Variants in KMT2C observed in about 807,000 individuals in gnomAD.
KMT2C encodes histone-lysine N-methyltransferase 2C.
KMT2C carries 88 observed loss-of-function variants against 507.9 expected under a neutral mutation model. The ratio of observed to expected loss-of-function variants is 0.17; its 90% CI spans 0.15 to 0.21. KMT2C has a LOEUF of 0.21. KMT2C is among the 10% of genes least tolerant of loss of function. The pLI, the probability that KMT2C is intolerant of heterozygous loss-of-function variation, is 1.00. For synonymous variants in KMT2C, 2,049 were observed against 2,080.8 expected (o/e 0.98, Z 0.42); for missense variants, 4,954 against 5,957.8 (o/e 0.83, Z 5.55).
At chr7:152,305,072 T>G (rs1286091806) in intron 6 of KMT2C, among the ~76,000 whole-genome samples, 1 of 152,178 alleles carries the variant, frequency 6.6e-6, no homozygotes, top group Admixed American at 6.5e-5. Context: ...TAGAACTTAT[T>G]TGCTGCCTAT....
chr7:152,258,901 T>G (rs1190406276), intron 9 of KMT2C, among the ~76,000 whole-genome samples: 1 of 152,150 alleles, frequency 6.6e-6, no homozygotes, highest in African/African-American at 2.4e-5. Context: ...AAAGTGTCCT[T>G]ACATACTGCT....
At chr7:152,304,649 T>C (rs1014775114) in intron 6 of KMT2C, among the ~76,000 whole-genome samples, 1 of 152,210 alleles carries the variant, frequency 6.6e-6, no homozygotes, top group Non-Finnish European at 1.5e-5. Context: ...TCTTTGAAAA[T>C]AGAGCTAGGT....
At chr7:152,380,463 G>A (rs2097364007) in intron 1 of KMT2C, among the ~76,000 whole-genome samples, 1 of 152,082 alleles carries the variant, frequency 6.6e-6, no homozygotes, top group South Asian at 2.1e-4. Context: ...AGCTACTCGA[G>A]AGGCGGAGAC....
chr7:152,334,248 G>T (rs2096912163), intron 2 of KMT2C, among the ~76,000 whole-genome samples: 1 of 152,192 alleles, frequency 6.6e-6, no homozygotes, highest in Non-Finnish European at 1.5e-5. Flanking sequence ...CTGAGGTCAG[G>T]AGTTCGAGAC....
chr7:152,202,858 C>A, intron 26 of KMT2C, 76 bp downstream of exon 26: 1 of 1,185,226 alleles, frequency 8.4e-7, no homozygotes, highest in South Asian at 1.7e-5. Context: ...AAACAACAAA[C>A]CTATGTTTTA....
intron 6 of KMT2C, among the ~76,000 whole-genome samples, chr7:152,308,673 C>CAAAAAAAAAAAAAAAAAAAAA (rs938826373): frequency 2.0e-4 from 5 of 24,566 alleles, no homozygotes; most frequent in African/African-American, 4.5e-4. Flanking sequence ...AAACTCCTCT[C>CAAAAAAAAAAAAAAAAAAAAA]AAAAAAAAAA....
chr7:152,182,793 T>C (rs550996697), intron 35 of KMT2C, among the ~76,000 whole-genome samples, 181 bp downstream of exon 35: 17 of 152,310 alleles, frequency 1.1e-4, no homozygotes, highest in African/African-American at 4.1e-4. Flanking sequence ...GTATATTGTT[T>C]ATAATATTTC....
At chr7:152,281,128 A>T (rs979321539) in intron 6 of KMT2C, among the ~76,000 whole-genome samples, 1 of 152,166 alleles carries the variant, frequency 6.6e-6, no homozygotes, top group African/African-American at 2.4e-5. Flanking sequence ...ATAAATAAAA[A>T]CATGAATAAA....
At chr7:152,150,659 TTC>T (rs1373411373) in intron 51 of KMT2C, among the ~76,000 whole-genome samples, 2 of 152,124 alleles carry the variant, frequency 1.3e-5, no homozygotes, top group East Asian at 1.9e-4. Context: ...AATATTAGTG[TTC>T]TGTTTACTGA....
At chr7:152,259,445 C>CACACA (rs2095721448) in intron 9 of KMT2C, among the ~76,000 whole-genome samples, 2 of 97,680 alleles carry the variant, frequency 2.0e-5, no homozygotes, top group African/African-American at 1.0e-4. Context: ...CACACACACG[C>CACACA]GCACACACAC....
At chr7:152,423,591 A>C (rs536597625) in intron 1 of KMT2C, among the ~76,000 whole-genome samples, 1 of 152,348 alleles carries the variant, frequency 6.6e-6, no homozygotes, top group Non-Finnish European at 1.5e-5. Flanking sequence ...GAAGTTAGAT[A>C]AAGGGAGACA....
intron 15 of KMT2C, 77 bp downstream of exon 15, chr7:152,238,630 A>T: frequency 1.3e-6 from 2 of 1,493,018 alleles, no homozygotes; most frequent in South Asian, 2.8e-5. Context: ...GAAAAGAAAG[A>T]TTTAATTCTT....
chr7:152,212,834 A>G (rs1402011252), intron 23 of KMT2C, among the ~76,000 whole-genome samples: 1 of 152,276 alleles, frequency 6.6e-6, no homozygotes. Flanking sequence ...TGAAGTCAGG[A>G]GTTCAAGACC....
At chr7:152,341,119 G>C (rs2096987855) in intron 2 of KMT2C, among the ~76,000 whole-genome samples, 1 of 151,772 alleles carries the variant, frequency 6.6e-6, no homozygotes, top group Non-Finnish European at 1.5e-5. Flanking sequence ...ACTTTATTTA[G>C]GCCTTAAAAA....
chr7:152,175,321 T>C (rs911350553), intron 38 of KMT2C, among the ~76,000 whole-genome samples: 2 of 152,018 alleles, frequency 1.3e-5, no homozygotes, highest in African/African-American at 4.8e-5. Flanking sequence ...AATTTTTTGT[T>C]ATTTTTTTTT....
At chr7:152,431,027 TG>T (rs1434986426) in intron 1 of KMT2C, among the ~76,000 whole-genome samples, 1 of 152,160 alleles carries the variant, frequency 6.6e-6, no homozygotes, top group Non-Finnish European at 1.5e-5. Context: ...GATGAAGCAG[TG>T]TGGCTTGTCA....
At chr7:152,297,055 C>CAGACAGACAGAAAGAGAGAG (rs1315629061) in intron 6 of KMT2C, among the ~76,000 whole-genome samples, 1 of 84,406 alleles carries the variant, frequency 1.2e-5, no homozygotes, top group African/African-American at 5.5e-5. Flanking sequence ...GAAAGAAAGA[C>CAGACAGACAGAAAGAGAGAG]AGAGAGAGAG....
Position 152,297,081 on chromosome 7 carries a change from GAGAGAGAGAGAGAA to G in KMT2C, c.849+12871_849+12884del, listed in dbSNP as rs1472348371. ...AGAGAGAGAGAGAGAGAGAGAGAGAGAGAGAGAGAGAGAAAGAAAGAAAGACGTGAATATATGTG... is the reference window on the plus strand; with the variant it reads ...AGAGAGAGAGAGAGAGAGAGAGAGAGAGAAAGAAAGACGTGAATATATGTG... On this transcript the variant is annotated intron_variant, in intron 6 of 58. Transcript: ENST00000262189. Among the ~76,000 whole-genome samples the G allele has an allele frequency of 2.9e-5, 4 of 139,748 alleles. No homozygotes were observed. The South Asian group carries it at 9.7e-4, about 34-fold the overall frequency. The allele number at this position is 139,748 out of a possible 152,430, so 91.7% of individuals were successfully genotyped here. A position where few individuals can be genotyped will look rare whatever the true frequency, so the allele number is the denominator to read the frequency against.
rs988404080 is a variant in KMT2C, at chr7:152,317,879, A to C, written c.390-2541T>G. Among the ~76,000 whole-genome samples the C allele has an allele frequency of 3.3e-5, 5 of 152,132 alleles. No individual in the cohort carries two copies. In the East Asian group the frequency reaches 9.6e-4, roughly 29 times the overall value. The stretch of plus-strand genomic sequence containing the variant: ...AAAGAGGATGGGCATGGTGGCTCAC[A>C]CCTGTAATCCCAGCACTTTGGGAGG... On this transcript the variant is annotated intron_variant, in intron 3 of 58. Transcript: ENST00000262189.
Sources: gnomAD v4.1 joint callset for allele counts (sites outside exome capture counted in the v4.1 genomes callset) on GRCh38, gnomAD v4.1.1 for gene constraint, MANE v1.5 for transcripts, NCBI Gene and HGNC (gene_info 2026-07-23, HGNC 2026-07-21) for gene names.